Variants in TRPM1 observed in about 807,000 individuals in gnomAD.
TRPM1 encodes the protein TRPM1-203 APA Isoform, Intron 10.
Under a neutral mutation model 149.4 loss-of-function variants are expected in TRPM1, and 113 were observed. That is an observed-to-expected ratio of 0.76 (90% CI 0.65 to 0.88). The LOEUF (loss-of-function observed/expected upper bound fraction) is 0.88. Among genes scored for constraint, TRPM1 ranks in the 40% least tolerant of loss-of-function variants. TRPM1 has a pLI of 0.00. For missense variants in TRPM1, 1,976 were observed against 2,038.7 expected (o/e 0.97, Z 0.59); for synonymous variants, 741 against 759.5 (o/e 0.98, Z 0.40).
intron 16 of TRPM1, among the ~76,000 whole-genome samples, chr15:31,044,337 A>G (rs1284045098): frequency 6.6e-6 from 1 of 152,232 alleles, no homozygotes; most frequent in African/African-American, 2.4e-5. Flanking sequence ...TAGGGAAAGT[A>G]TATGGAAGAA....
At chr15:31,060,481 T>C in intron 11 of TRPM1, 63 bp downstream of exon 11, 8 of 1,368,138 alleles carry the variant, frequency 5.8e-6, no homozygotes, top group Non-Finnish European at 8.3e-6. Flanking sequence ...AGGGAGAACA[T>C]ACTAATAGGT....
At chr15:31,104,767 T>A (rs1017526712), upstream of TRPM1, among the ~76,000 whole-genome samples, 17 of 151,976 alleles carry the variant, frequency 1.1e-4, no homozygotes, top group Middle Eastern at 3.2e-3. Context: ...CCAATTTTTT[T>A]GTATTTTTAA....
intron 1 of TRPM1, among the ~76,000 whole-genome samples, chr15:31,147,865 G>A (rs1371898393): frequency 6.6e-6 from 1 of 152,164 alleles, no homozygotes; most frequent in Non-Finnish European, 1.5e-5. Context: ...CAGGTCCCCA[G>A]GGAGGTGGGC....
intron 1 of TRPM1, among the ~76,000 whole-genome samples, chr15:31,113,545 C>T (rs971247928): frequency 6.6e-6 from 1 of 150,396 alleles, no homozygotes; most frequent in African/African-American, 2.5e-5. Context: ...TCTTTGTACT[C>T]CTAAAATGTT....
intron 1 of TRPM1, among the ~76,000 whole-genome samples, chr15:31,132,637 T>C (rs1470497997): frequency 2.6e-5 from 4 of 152,186 alleles, no homozygotes; most frequent in Non-Finnish European, 5.9e-5. Flanking sequence ...CATCTTTACT[T>C]TGAGCATCAC....
chr15:31,072,006 T>TAG (rs1367033881), intron 3 of TRPM1, among the ~76,000 whole-genome samples: 19 of 38,308 alleles, frequency 5.0e-4, no homozygotes, highest in South Asian at 2.5e-3. Context: ...TATATATATA[T>TAG]ATATATATAT....
At chr15:31,089,919 C>A (rs1055976547) in intron 1 of TRPM1, among the ~76,000 whole-genome samples, 1 of 152,020 alleles carries the variant, frequency 6.6e-6, no homozygotes, top group Non-Finnish European at 1.5e-5. Context: ...CTGGGTTGGC[C>A]GGGAGCACCG....
intron 1 of TRPM1, among the ~76,000 whole-genome samples, chr15:31,147,932 G>A (rs1475826242): frequency 6.6e-6 from 1 of 152,200 alleles, no homozygotes; most frequent in Non-Finnish European, 1.5e-5. Context: ...CTGATCTGCT[G>A]AGTACTGAAA....
Position 31,069,996 on chromosome 15 carries a change from A to G in TRPM1, c.279+35T>C, listed in dbSNP as rs199849535. 2.5e-6 allele frequency: 4 copies of G among 1,614,046 alleles called. No homozygotes were observed. In the African/African-American group the frequency reaches 5.3e-5, roughly 22 times the overall value. On this transcript the variant is annotated intron_variant, in intron 4 of 27. Coordinates refer to ENST00000256552, the MANE Select transcript of TRPM1 (RefSeq NM_001252024.2). ...AGACTGGCCGCCAATGAAAGCTGTG[A>G]TCCTAGTGGCACCATGTCTGAATGC...
At chr15:31,037,114 C>T (rs1033746473) in intron 20 of TRPM1, among the ~76,000 whole-genome samples, 7 of 152,384 alleles carry the variant, frequency 4.6e-5, no homozygotes, top group African/African-American at 7.2e-5. Flanking sequence ...CCCCCAGAGG[C>T]GCTCTGATCT....
chr15:31,093,008 C>T (rs980376058), intron 1 of TRPM1, among the ~76,000 whole-genome samples: 1 of 152,152 alleles, frequency 6.6e-6, no homozygotes, highest in Non-Finnish European at 1.5e-5. Flanking sequence ...TGCCTGTAAT[C>T]CCAGCACTTT....
chr15:31,117,651 GAAA>G (rs3080917), intron 1 of TRPM1, among the ~76,000 whole-genome samples: 2 of 131,366 alleles, frequency 1.5e-5, no homozygotes, highest in African/African-American at 5.6e-5. Context: ...CTGTCTCAAA[GAAA>G]AAAAAAAAAA....
At chr15:31,094,262 G>A (rs760945906) in intron 1 of TRPM1, among the ~76,000 whole-genome samples, 6 of 152,076 alleles carry the variant, frequency 3.9e-5, no homozygotes, top group Non-Finnish European at 8.8e-5. Flanking sequence ...ACTCTTAAAA[G>A]AAAATATATG....
chr15:31,136,342 T>A lies in TRPM1; in HGVS notation c.54+24564A>T, dbSNP rs1027603456. 2.6e-5 allele frequency among the ~76,000 whole-genome samples: 4 copies of A among 152,224 alleles called. No individual in the cohort carries two copies. In the East Asian group the frequency reaches 7.7e-4, roughly 29 times the overall value. On this transcript the variant is annotated intron_variant, in intron 1 of 26. Coordinates refer to the TRPM1 transcript ENST00000542188. ...CCCTGCCGTGCTTGCTGTTTGAGCA[T>A]GGGGACTCTTGTCTTCCACCACAAG... is the stretch of plus-strand genomic sequence containing the variant.
chr15:31,076,625 C>G (rs915198839), intron 3 of TRPM1, among the ~76,000 whole-genome samples: 1 of 152,124 alleles, frequency 6.6e-6, no homozygotes, highest in African/African-American at 2.4e-5. Context: ...TGTTGAAAGC[C>G]CTCAACTCCT....
upstream of TRPM1, among the ~76,000 whole-genome samples, chr15:31,105,465 GT>G (rs1250649386): frequency 1.5e-5 from 2 of 137,194 alleles, no homozygotes; most frequent in African/African-American, 7.1e-5. Context: ...GTGTGTGTGT[GT>G]GTGTGTGCGC....
chr15:31,068,178 G>T, intron 4 of TRPM1, 86 bp from the exon 5 acceptor site: 1 of 1,213,190 alleles, frequency 8.2e-7, no homozygotes, highest in East Asian at 2.3e-5. Context: ...TCATGTCCAA[G>T]CAAGAACTGC....
chr15:31,101,823 GC>G, upstream of TRPM1: 1 of 669,988 alleles, frequency 1.5e-6, no homozygotes, highest in Non-Finnish European at 1.8e-6. Flanking sequence ...TGAAGCGATG[GC>G]CCCATGACCT....
At chr15:31,058,099 C>G (rs1210467295) in intron 11 of TRPM1, among the ~76,000 whole-genome samples, 1 of 151,856 alleles carries the variant, frequency 6.6e-6, no homozygotes, top group Non-Finnish European at 1.5e-5. Context: ...TAAGCCTCAA[C>G]ATTAGCAGTG....
Sources: allele counts gnomAD v4.1 joint callset (sites outside exome capture counted in the v4.1 genomes callset), GRCh38; gene constraint gnomAD v4.1.1; transcripts MANE v1.5; gene names NCBI Gene and HGNC (gene_info 2026-07-23, HGNC 2026-07-21).